The following LRP1B variants were observed in gnomAD, a reference collection of about 807,000 sequenced individuals.
The protein encoded by LRP1B is low-density lipoprotein receptor-related protein 1B.
A neutral mutation model predicts 556.6 loss-of-function variants in LRP1B; 217 were observed. That is an observed-to-expected ratio of 0.39 (90% CI 0.35 to 0.44). LRP1B has a LOEUF of 0.44. Among genes scored for constraint, LRP1B ranks in the 20% least tolerant of loss-of-function variants. The pLI, the probability that LRP1B is intolerant of heterozygous loss-of-function variation, is 1.00. For missense variants in LRP1B, 5,053 were observed against 5,620.8 expected (o/e 0.90, Z 3.23); for synonymous variants, 2,047 against 1,865.8 (o/e 1.10, Z -2.50).
chr2:141,367,215 A>C (rs1336928251), intron 3 of LRP1B, among the ~76,000 whole-genome samples: 1 of 152,220 alleles, frequency 6.6e-6, no homozygotes, highest in African/African-American at 2.4e-5. Flanking sequence ...TCACATAATT[A>C]CACAGCTTGT....
intron 2 of LRP1B, among the ~76,000 whole-genome samples, chr2:141,735,517 AG>A (rs1403158573): frequency 1.4e-5 from 1 of 72,536 alleles, no homozygotes; most frequent in East Asian, 4.8e-4. Context: ...TTTTTTTGGG[AG>A]GGGGGAGGGA....
intron 1 of LRP1B, among the ~76,000 whole-genome samples, chr2:141,841,522 C>G (rs1697470263): frequency 6.6e-6 from 1 of 152,214 alleles, no homozygotes; most frequent in African/African-American, 2.4e-5. Context: ...CTCCCCAACT[C>G]CTCCCTGATG....
chr2:141,900,986 G>A (rs1699602247), intron 1 of LRP1B, among the ~76,000 whole-genome samples: 1 of 151,928 alleles, frequency 6.6e-6, no homozygotes, highest in Non-Finnish European at 1.5e-5. Flanking sequence ...TTGACTTGGT[G>A]TATTCATCCT....
intron 84 of LRP1B, among the ~76,000 whole-genome samples, chr2:140,283,535 T>C (rs892680950): frequency 7.6e-6 from 1 of 131,292 alleles, no homozygotes; most frequent in Non-Finnish European, 1.8e-5. Context: ...TTTTGAAAAT[T>C]AAAGAATAAA....
At chr2:141,246,744 C>T (rs1195205362) in intron 5 of LRP1B, among the ~76,000 whole-genome samples, 2 of 152,192 alleles carry the variant, frequency 1.3e-5, no homozygotes, top group East Asian at 1.9e-4. Context: ...GTGGGTGAAT[C>T]GCCTGAGGCC....
chr2:141,826,047 CTATGT>C (rs1485987494), intron 1 of LRP1B, among the ~76,000 whole-genome samples: 48 of 151,850 alleles, frequency 3.2e-4, no homozygotes, highest in Admixed American at 2.9e-3. Context: ...ACTTTAATTA[CTATGT>C]TATATTTAGT....
At chr2:141,630,990 T>G in intron 2 of LRP1B, among the ~76,000 whole-genome samples, 1 of 152,174 alleles carries the variant, frequency 6.6e-6, no homozygotes, top group East Asian at 1.9e-4. Context: ...CCTATTGCAT[T>G]AGTCTGTTCT....
intron 1 of LRP1B, among the ~76,000 whole-genome samples, chr2:142,011,069 G>C (rs1485894102): frequency 6.6e-6 from 1 of 152,194 alleles, no homozygotes; most frequent in Non-Finnish European, 1.5e-5. Context: ...GCTGTAGGTA[G>C]CTGTAATTTT....
intron 1 of LRP1B, among the ~76,000 whole-genome samples, chr2:142,090,473 G>A (rs1172808141): frequency 6.6e-6 from 1 of 152,052 alleles, no homozygotes; most frequent in Non-Finnish European, 1.5e-5. Context: ...TGTGGGTACA[G>A]AGATGAAAAT....
intron 57 of LRP1B, among the ~76,000 whole-genome samples, chr2:140,491,352 A>ATG (rs927474659): frequency 2.0e-5 from 3 of 151,742 alleles, no homozygotes; most frequent in Admixed American, 1.3e-4. Context: ...TTATGTACAT[A>ATG]TGTGTGTGTG....
At chr2:140,984,333 C>G (rs772084386) in intron 17 of LRP1B, among the ~76,000 whole-genome samples, 32 of 151,658 alleles carry the variant, frequency 2.1e-4, no homozygotes, top group Non-Finnish European at 3.7e-4. Flanking sequence ...TTTTCCATAC[C>G]TTTCTTCCTC....
chr2:140,764,757 G>C (rs1231587116), intron 35 of LRP1B, among the ~76,000 whole-genome samples: 1 of 152,106 alleles, frequency 6.6e-6, no homozygotes, highest in African/African-American at 2.4e-5. Flanking sequence ...CGATACATTT[G>C]TCACAGGTGA....
At chr2:141,726,578 A>C (rs1056922864) in intron 2 of LRP1B, among the ~76,000 whole-genome samples, 4 of 152,004 alleles carry the variant, frequency 2.6e-5, no homozygotes, top group Non-Finnish European at 5.9e-5. Flanking sequence ...CAAGACTGGA[A>C]ATTACTCCCC....
chr2:140,877,456 A>C (rs148915510), intron 25 of LRP1B, among the ~76,000 whole-genome samples: 1 of 152,282 alleles, frequency 6.6e-6, no homozygotes, highest in East Asian at 1.9e-4. Context: ...TGTTCTTCTA[A>C]AATGCTTTCT....
At chr2:141,871,203 G>A (rs1015576170) in intron 1 of LRP1B, among the ~76,000 whole-genome samples, 2 of 151,944 alleles carry the variant, frequency 1.3e-5, no homozygotes, top group African/African-American at 4.8e-5. Context: ...CATGTGATTA[G>A]CTTCTTGCAC....
chr2:141,861,932 AAAAAAAAG>A (rs1307266737), intron 1 of LRP1B, among the ~76,000 whole-genome samples: 1 of 152,068 alleles, frequency 6.6e-6, no homozygotes, highest in East Asian at 1.9e-4. Flanking sequence ...TCCATCTCAA[AAAAAAAAG>A]AAAAAAAGAA....
At chr2:142,112,266 C>A (rs548081854) in intron 1 of LRP1B, among the ~76,000 whole-genome samples, 83 of 152,012 alleles carry the variant, frequency 5.5e-4, no homozygotes, top group African/African-American at 1.4e-3. Context: ...AAAGTCAGAG[C>A]AAATTCAGAA....
rs558485430 is a variant in LRP1B, at chr2:140,690,394, T to TG, written c.6799+9855_6799+9856insC. On this transcript the variant is annotated intron_variant, in intron 41 of 90. Transcript: ENST00000389484. ...TTTACTTCAGGTCTTTACTTTTTTTTTTCAATGAATGGCTCCTTGTACATG... is the reference window on the plus strand; with the variant it reads ...TTTACTTCAGGTCTTTACTTTTTTTTGTTCAATGAATGGCTCCTTGTACATG... 7.0e-4 allele frequency among the ~76,000 whole-genome samples: 107 copies of TG among 152,216 alleles called. 1 individual carries two copies. Among genetic ancestry groups the TG allele is most frequent in the Non-Finnish European group, 9.6e-4 (65 of 67,986 alleles).
chr2:140,537,833 G>A (rs147911822), intron 45 of LRP1B, among the ~76,000 whole-genome samples: 8 of 152,226 alleles, frequency 5.3e-5, no homozygotes, highest in African/African-American at 1.9e-4. Context: ...ATGGCAATAT[G>A]TGATCCCTAT....
Sources: gnomAD v4.1 joint callset for allele counts (sites outside exome capture counted in the v4.1 genomes callset) on GRCh38, gnomAD v4.1.1 for gene constraint, MANE v1.5 for transcripts, NCBI Gene and HGNC (gene_info 2026-07-23, HGNC 2026-07-21) for gene names.